LHFPL6: variants seen among roughly 807,000 people sequenced by gnomAD.
LHFPL6 encodes LHFPL tetraspan subfamily member 6 protein.
In LHFPL6, 9 loss-of-function variants were observed where a neutral mutation model predicts 20.6. That is an observed-to-expected ratio of 0.44 (90% confidence interval 0.26 to 0.76). The LOEUF (loss-of-function observed/expected upper bound fraction) is 0.76, where lower values mean the gene tolerates loss of function less well. Ranked by LOEUF, LHFPL6 falls within the 30% of genes least tolerant of loss-of-function variation. The pLI, the probability that LHFPL6 is intolerant of heterozygous loss-of-function variation, is 0.20. For synonymous variants in LHFPL6, 105 were observed against 98.7 expected (o/e 1.06, Z -0.38); for missense variants, 218 against 253.5 (o/e 0.86, Z 0.95).
chr13:39,602,130 T>A (rs1872971316), intron 1 of LHFPL6, among the ~76,000 whole-genome samples: 1 of 152,110 alleles, frequency 6.6e-6, no homozygotes, highest in Non-Finnish European at 1.5e-5. Context: ...AATCCATACT[T>A]CCCAGTATGC....
At chr13:39,463,831 G>T (rs1040439480) in intron 2 of LHFPL6, among the ~76,000 whole-genome samples, 6 of 152,150 alleles carry the variant, frequency 3.9e-5, no homozygotes, top group African/African-American at 1.4e-4. Context: ...AACAAGCCCT[G>T]ATTTGTAGAC....
intron 2 of LHFPL6, among the ~76,000 whole-genome samples, chr13:39,475,618 A>G (rs1364734621): frequency 1.3e-5 from 2 of 152,158 alleles, no homozygotes; most frequent in Non-Finnish European, 2.9e-5. Flanking sequence ...GACACCACCC[A>G]TAGCCACACA....
At chr13:39,373,816 A>G (rs1870220195) in intron 3 of LHFPL6, among the ~76,000 whole-genome samples, 1 of 152,220 alleles carries the variant, frequency 6.6e-6, no homozygotes, top group Admixed American at 6.5e-5. Context: ...GGAAAACCAC[A>G]ATGAGAGATA....
intron 2 of LHFPL6, among the ~76,000 whole-genome samples, chr13:39,464,700 CTTTT>C (rs57418375): frequency 4.6e-4 from 64 of 137,910 alleles, no homozygotes; most frequent in African/African-American, 1.0e-3. Flanking sequence ...AAAGCACAGT[CTTTT>C]TTTTTTTTTT....
chr13:39,569,197 G>A (rs1202314535), intron 2 of LHFPL6, among the ~76,000 whole-genome samples: 1 of 143,792 alleles, frequency 7.0e-6, no homozygotes, highest in Non-Finnish European at 1.5e-5. Flanking sequence ...ATGGATTGAT[G>A]GACAGATATA....
intron 2 of LHFPL6, among the ~76,000 whole-genome samples, chr13:39,527,708 T>C (rs1286530779): frequency 6.6e-6 from 1 of 152,162 alleles, no homozygotes; most frequent in East Asian, 1.9e-4. Flanking sequence ...ATTTTTTTGT[T>C]TCCTTGTTAC....
chr13:39,413,558 A>G (rs1445197249), intron 2 of LHFPL6, among the ~76,000 whole-genome samples: 2 of 149,180 alleles, frequency 1.3e-5, no homozygotes, highest in African/African-American at 5.0e-5. Context: ...ATCTGGGACT[A>G]CAGGCGTGTG....
chr13:39,349,530 G>A (rs1463573670), intron 3 of LHFPL6, among the ~76,000 whole-genome samples: 1 of 152,142 alleles, frequency 6.6e-6, no homozygotes, highest in Non-Finnish European at 1.5e-5. Context: ...TGAATCACTG[G>A]GTACTGGGAG....
chr13:39,347,834 G>C (rs1296376817), intron 3 of LHFPL6, among the ~76,000 whole-genome samples: 1 of 152,128 alleles, frequency 6.6e-6, no homozygotes, highest in East Asian at 1.9e-4. Flanking sequence ...CAAAATTTGT[G>C]GTCCATCTGT....
intron 2 of LHFPL6, among the ~76,000 whole-genome samples, chr13:39,463,333 C>T (rs949228984): frequency 8.6e-5 from 13 of 151,996 alleles, no homozygotes; most frequent in African/African-American, 2.9e-4. Flanking sequence ...ACTGTGAAAA[C>T]GGAGGTGGAG....
At chr13:39,403,058 C>T (rs575615029) in intron 2 of LHFPL6, among the ~76,000 whole-genome samples, 3 of 152,284 alleles carry the variant, frequency 2.0e-5, no homozygotes, top group African/African-American at 7.2e-5. Flanking sequence ...CACAGTGACC[C>T]AGGGAGATAA....
chr13:39,395,777 C>T (rs1298463638), intron 2 of LHFPL6, among the ~76,000 whole-genome samples: 1 of 152,190 alleles, frequency 6.6e-6, no homozygotes, highest in African/African-American at 2.4e-5. Context: ...GAGCTGTATG[C>T]TACCATTCTC....
intron 2 of LHFPL6, among the ~76,000 whole-genome samples, chr13:39,574,398 C>G (rs764123283): frequency 6.6e-6 from 1 of 150,440 alleles, no homozygotes; most frequent in Non-Finnish European, 1.5e-5. Context: ...AGCAGAATGG[C>G]GTGAACCCCA....
chr13:39,574,325 A>T (rs1192617478), intron 2 of LHFPL6, among the ~76,000 whole-genome samples: 2 of 152,088 alleles, frequency 1.3e-5, no homozygotes, highest in Non-Finnish European at 2.9e-5. Context: ...TACTAAAAAT[A>T]CAAAAAATTA....
chr13:39,356,641 G>A (rs909563034), intron 3 of LHFPL6, among the ~76,000 whole-genome samples: 4 of 152,158 alleles, frequency 2.6e-5, no homozygotes, highest in African/African-American at 7.2e-5. Flanking sequence ...AAGAAAAAGC[G>A]AGAGGATCCA....
intron 2 of LHFPL6, among the ~76,000 whole-genome samples, chr13:39,518,996 G>A (rs1043321410): frequency 6.6e-6 from 1 of 152,230 alleles, no homozygotes; most frequent in African/African-American, 2.4e-5. Flanking sequence ...CAGAACTTTG[G>A]GAGGTTGAGG....
chr13:39,477,745 G>C (rs1873119740), intron 2 of LHFPL6, among the ~76,000 whole-genome samples: 1 of 152,186 alleles, frequency 6.6e-6, no homozygotes, highest in Admixed American at 6.5e-5. Context: ...AGTCAAGTGA[G>C]AAGAGAATGT....
intron 2 of LHFPL6, among the ~76,000 whole-genome samples, chr13:39,534,890 C>G (rs924232883): frequency 6.6e-6 from 1 of 152,158 alleles, no homozygotes; most frequent in Non-Finnish European, 1.5e-5. Flanking sequence ...GCTTCTATAA[C>G]AAAGTACCAT....
In LHFPL6 at chr13:39,459,644, T is replaced by A. The variant is rs191125716; in HGVS notation, c.386-81118A>T. Among the ~76,000 whole-genome samples, 19 of 152,320 alleles carry A rather than the reference T, an allele frequency of 1.2e-4. No individual in the cohort carries two copies. In the East Asian group the frequency reaches 3.7e-3, roughly 29 times the overall value. On this transcript the variant is annotated intron_variant, in intron 2 of 3. Coordinates refer to ENST00000379589, the MANE Select transcript of LHFPL6 (RefSeq NM_005780.3). ...AACCTTTGGGATATGACATTTTTCT[T>A]GGTTATACACTCTTATTTATCTCCC...
Sources: allele counts gnomAD v4.1 joint callset (sites outside exome capture counted in the v4.1 genomes callset), GRCh38; gene constraint gnomAD v4.1.1; transcripts MANE v1.5; gene names NCBI Gene and HGNC (gene_info 2026-07-23, HGNC 2026-07-21).